MUC4: variants seen among roughly 807,000 people sequenced by gnomAD.
The protein encoded by MUC4 is mucin 4, cell surface associated, also known as mucin-4.
A neutral mutation model predicts 257.9 loss-of-function variants in MUC4; 202 were observed. The observed-to-expected ratio is 0.78, with a 90% confidence interval of 0.70 to 0.88. MUC4 has a LOEUF of 0.88. Ranked by LOEUF, MUC4 falls within the 40% of genes least tolerant of loss-of-function variation. The pLI, the probability that MUC4 is intolerant of heterozygous loss-of-function variation, is 0.00. For missense variants in MUC4, 5,976 were observed against 6,513.7 expected (o/e 0.92, Z 2.84); for synonymous variants, 2,351 against 2,757.1 (o/e 0.85, Z 4.62).
rs1806440 is a variant in MUC4, at chr3:195,790,253, G to A, written c.1327C>T (p.Leu443=). ...TLSTALSPSS[L]PPKISTAFHT... ...AAAGCTGTGGATATTTTTGGAGGTAGAGAACTGGGGGAGAGTGCTGTTGAC... is the reference window on the plus strand; with the variant it reads ...AAAGCTGTGGATATTTTTGGAGGTAAAGAACTGGGGGAGAGTGCTGTTGAC... The change falls in exon 2 of 25, where the codon CTA becomes TTA. Residue 443 remains leucine, a synonymous_variant. Transcript: ENST00000463781. 0.16 allele frequency: 265,576 copies of A among 1,613,784 alleles called. 22,884 individuals are homozygous for A. The highest frequency in any genetic ancestry group is 0.2 in the Middle Eastern group (1,206 of 6,062).
intron 23 of MUC4, 41 bp downstream of exon 23, chr3:195,750,848 C>T (rs368132986): frequency 3.0e-5 from 47 of 1,584,566 alleles, no homozygotes; most frequent in Admixed American, 2.0e-4. Flanking sequence ...GCCCGCCCCC[C>T]GCAGTGACCC....
In MUC4 at chr3:195,784,604, G is replaced by C. The variant is rs1278832575; in HGVS notation, c.6976C>G (p.Leu2326Val). 1 of 1,356,898 alleles carries C rather than the reference G, an allele frequency of 7.4e-7. No individual in the cohort carries two copies. The highest frequency in any genetic ancestry group is 2.7e-5 in the East Asian group (1 of 37,452). 84.1% of individuals were successfully genotyped at this position (1,356,898 alleles called of 1,614,324 possible). A position where few individuals can be genotyped will look rare whatever the true frequency, so the allele number is the denominator to read the frequency against. The change falls in exon 2 of 25, where the codon CTT (leucine) becomes GTT (valine). Residue 2326 changes from leucine to valine, a missense_variant. Around this residue, in one of 44 missense-constraint regions of MUC4, gnomAD observed 62 missense variants for 74.0 expected, o/e 0.84. Coordinates refer to ENST00000463781, the MANE Select transcript of MUC4 (RefSeq NM_018406.7). Reference sequence around the variant, plus strand: ...GTGTCACCTGTGGATGCTGAGGAAAGGCTGGTGACAGGAAGAGGGGTGGCG... The same window carrying C: ...GTGTCACCTGTGGATGCTGAGGAAACGCTGGTGACAGGAAGAGGGGTGGCG... ...GHATPLPVTS[L>V]SSASTGDTTP...
chr3:195,763,977 C>A, intron 11 of MUC4, 68 bp downstream of exon 11: 1 of 1,542,930 alleles, frequency 6.5e-7, no homozygotes, highest in Non-Finnish European at 8.7e-7. Context: ...ATCCAGATGC[C>A]ACCTCCCGGA....
intron 23 of MUC4, 162 bp downstream of exon 23, chr3:195,750,727 C>G (rs1019097494): frequency 3.2e-5 from 22 of 697,496 alleles, no homozygotes; most frequent in African/African-American, 2.5e-4. Context: ...CTGGCTGCTC[C>G]TGCTCTCGAA....
intron 18 of MUC4, among the ~76,000 whole-genome samples, chr3:195,756,329 G>A (rs780566753): frequency 1.2e-4 from 18 of 152,184 alleles, no homozygotes; most frequent in African/African-American, 4.8e-5. Context: ...GTGGACTCAC[G>A]CCCAGGGACC....
chr3:195,809,832 G>A (rs551494733), intron 1 of MUC4: 242 of 152,474 alleles, frequency 1.6e-3, no homozygotes, highest in South Asian at 3.5e-3. Flanking sequence ...AGGTCCAACC[G>A]TTCACCACTG....
At position 195,790,964 on chromosome 3, in the gene MUC4, T is replaced by A; in HGVS notation, c.616A>T (p.Thr206Ser). 6.2e-7 allele frequency: 1 copy of A among 1,613,994 alleles called. No individual in the cohort carries two copies. Among genetic ancestry groups the A allele is most frequent in the Non-Finnish European group, 8.5e-7 (1 of 1,179,884 alleles). ...AGGGTGCTGGTTTGAGATTCCCTGG[T>A]GGTCTGCGTGCTCCGAGTCCAGTGG... ...QNHWTRSTQT[T>S]RESQTSTLTH... is the part of the protein sequence containing the mutation. The change falls in exon 2 of 25, where the codon ACC (threonine) becomes TCC (serine). Residue 206 changes from threonine to serine, a missense_variant. Around this residue, in one of 44 missense-constraint regions of MUC4, gnomAD observed 1,583 missense variants for 1,257.4 expected, o/e 1.26. Coordinates refer to ENST00000463781, the MANE Select transcript of MUC4 (RefSeq NM_018406.7).
rs1267397586 is a variant in MUC4, at chr3:195,780,233, A to T, written c.11347T>A (p.Ser3783Thr). The change falls in exon 2 of 25, where the codon TCC becomes ACC. Residue 3783 changes from serine (S) to threonine (T), a missense_variant. Transcript: ENST00000463781. Reference sequence around the variant, plus strand: ...GTGGTGTCACCTGTGGATGCTGAGGAAGCGTCGGTGACAGGAAGAGGCGTG... The same window carrying T: ...GTGGTGTCACCTGTGGATGCTGAGGTAGCGTCGGTGACAGGAAGAGGCGTG... ...HATPLPVTDA[S>T]SASTGDTTPL... 6 of 1,481,248 alleles carry T rather than the reference A, an allele frequency of 4.1e-6. No individual in the cohort carries two copies. The highest frequency in any genetic ancestry group is 1.4e-5 in the African/African-American group (1 of 71,194). The allele number at this position is 1,481,248 out of a possible 1,614,324, so 91.8% of individuals were successfully genotyped here. A position where few individuals can be genotyped will look rare whatever the true frequency, so the allele number is the denominator to read the frequency against.
At chr3:195,749,419 T>C (rs1454962254) in intron 23 of MUC4, among the ~76,000 whole-genome samples, 1 of 152,204 alleles carries the variant, frequency 6.6e-6, no homozygotes, top group East Asian at 1.9e-4. Context: ...GGGTGGAAAC[T>C]GAAACTCTGC....
Position 195,783,018 on chromosome 3 carries a change from AG to A in MUC4, c.8561del (p.Ala2854ValfsTer150), listed in dbSNP as rs1729092686. On this transcript the variant is annotated frameshift_variant, in exon 2 of 25. Coordinates refer to ENST00000463781, the MANE Select transcript of MUC4 (RefSeq NM_018406.7). LOFTEE classifies it high-confidence loss of function. ...GHTTPLPVTD[A>X]SSVSTGHATS... ...TGGCGTGACCTGTGGACACTGAGGA[AG>A]CGTCGGTGACAGGAAGAGGGGTGGT... 1 of 1,226,110 alleles carries A rather than the reference AG, an allele frequency of 8.2e-7. No homozygotes were observed. Among genetic ancestry groups the A allele is most frequent in the Admixed American group, 2.3e-5 (1 of 42,774 alleles). 76.0% of individuals were successfully genotyped at this position (1,226,110 alleles called of 1,614,324 possible).
At chr3:195,763,685 T>C in intron 11 of MUC4, 44 bp from the exon 12 acceptor site, 2 of 1,447,344 alleles carry the variant, frequency 1.4e-6, no homozygotes, top group Non-Finnish European at 1.8e-6. Context: ...ACAAATCATG[T>C]GTAGGGCTGA....
chr3:195,767,543 TCAC>T (rs1181313982), intron 7 of MUC4, among the ~76,000 whole-genome samples: 6 of 70,436 alleles, frequency 8.5e-5, no homozygotes, highest in African/African-American at 1.7e-4. Flanking sequence ...ACCACCATCA[TCAC>T]CATCACCATT....
Position 195,811,904 on chromosome 3 carries a change from T to C in MUC4, c.-87A>G. 2 of 1,363,090 alleles carry C rather than the reference T, an allele frequency of 1.5e-6. No homozygotes were observed. The highest frequency in any genetic ancestry group is 2.3e-4 in the Middle Eastern group (1 of 4,300). The allele number at this position is 1,363,090 out of a possible 1,614,324, so 84.4% of individuals were successfully genotyped here. A position where few individuals can be genotyped will look rare whatever the true frequency, so the allele number is the denominator to read the frequency against. ...GAGGAGCAGACGTGAGCCCGTCCCC[T>C]CAGGCGGCTGGCCCGAACCAAGTGC... On this transcript the variant is annotated 5_prime_UTR_variant, in exon 1 of 25. Transcript: ENST00000463781.
At position 195,778,344 on chromosome 3, in the gene MUC4, G is replaced by C. The variant is rs1368084246; in HGVS notation, c.12902C>G (p.Thr4301Ser). ...GGGGATGGGGGCAGCTGTGGAGCGG[G>C]TGTGCATGGCAGTGCTGGGAATGGT... is the stretch of plus-strand genomic sequence containing the variant. ...ISTIPSTAMH[T>S]RSTAAPIPIL... The change falls in exon 3 of 25, where the codon ACC (threonine) becomes AGC (serine). Residue 4301 changes from threonine (T) to serine (S), a missense_variant. By Grantham distance (58) the Thr-to-Ser change is moderately conservative. Around this residue, in one of 44 missense-constraint regions of MUC4, gnomAD observed 233 missense variants for 171.2 expected, o/e 1.36. Transcript: ENST00000463781. 6.2e-7 allele frequency: 1 copy of C among 1,612,830 alleles called. No individual in the cohort carries two copies. The highest frequency in any genetic ancestry group is 2.2e-5 in the East Asian group (1 of 44,876).
rs373244688 is a variant in MUC4, at chr3:195,751,031, C to T, written c.15729G>A (p.Pro5243=). 3.7e-5 allele frequency: 60 copies of T among 1,613,622 alleles called. No individual in the cohort carries two copies. Among genetic ancestry groups the T allele is most frequent in the Non-Finnish European group, 4.9e-5 (58 of 1,179,886 alleles). ...ISEFQYRPRG[P]VIDFLNNQLL... is the part of the protein sequence containing the mutation. ...GCTGGTTGTTCAGGAAGTCAATGACCGGGCCCCGAGGGCGGTACTGGAACT... is the reference window on the plus strand; with the variant it reads ...GCTGGTTGTTCAGGAAGTCAATGACTGGGCCCCGAGGGCGGTACTGGAACT... Residue 5243 remains proline (P), a synonymous_variant, in exon 23 of 25, where the codon CCG becomes CCA. Transcript: ENST00000463781.
chr3:195,797,009 G>A (rs945110367), intron 1 of MUC4, among the ~76,000 whole-genome samples: 3 of 152,196 alleles, frequency 2.0e-5, no homozygotes, highest in African/African-American at 7.2e-5. Flanking sequence ...TTGGCAGGCC[G>A]AGGCAGGCGG....
intron 1 of MUC4, among the ~76,000 whole-genome samples, chr3:195,808,955 TC>T (rs1452868209): frequency 6.6e-6 from 1 of 151,922 alleles, no homozygotes; most frequent in East Asian, 1.9e-4. Flanking sequence ...GTGGCCGGCG[TC>T]CCCTCCCCTG....
At chr3:195,791,853 CT>C (rs1485179887) in intron 1 of MUC4, among the ~76,000 whole-genome samples, 1 of 152,212 alleles carries the variant, frequency 6.6e-6, no homozygotes, top group Non-Finnish European at 1.5e-5. Context: ...ACCATCTGAT[CT>C]TTGACAAACC....
rs537035043 is a variant in MUC4 at position 195,789,397 on chromosome 3, C to A, written c.2183G>T (p.Gly728Val). 2.8e-5 allele frequency: 45 copies of A among 1,613,904 alleles called. No homozygotes were observed. The Admixed American group carries it at 6.8e-4, about 25-fold the overall frequency. The change falls in exon 2 of 25, where the codon GGA (glycine) becomes GTA (valine). Residue 728 changes from glycine to valine, a missense_variant. By Grantham distance (109) the Gly-to-Val change is moderately radical. This residue lies in a region of MUC4 where 1,583 missense variants were observed against 1,257.4 expected (regional missense o/e 1.26). Transcript: ENST00000463781. ...SSHDATLGPS[G>V]GTSLSKTGAL... ...ACCTGTTTTGGAAAGTGACGTGCCT[C>A]CTGAGGGCCCCAGGGTGGCATCATG... is the stretch of plus-strand genomic sequence containing the variant.
Sources: allele counts gnomAD v4.1 joint callset (sites outside exome capture counted in the v4.1 genomes callset), GRCh38; gene constraint gnomAD v4.1.1; regional missense constraint gnomAD v4.1.1; transcripts MANE v1.5; gene names NCBI Gene and HGNC (gene_info 2026-07-23, HGNC 2026-07-21).